Variants in IL1RAPL2 observed in about 807,000 individuals in gnomAD.
IL1RAPL2 encodes X-linked interleukin-1 receptor accessory protein-like 2.
IL1RAPL2 carries 3 observed loss-of-function variants against 44.1 expected under a neutral mutation model. The observed-to-expected ratio is 0.07, with a 90% confidence interval of 0.03 to 0.18. The LOEUF (loss-of-function observed/expected upper bound fraction) is 0.18, where lower values mean the gene tolerates loss of function less well. Ranked by LOEUF, IL1RAPL2 falls within the 10% of genes least tolerant of loss-of-function variation. The probability of loss-of-function intolerance (pLI) is 1.00; values close to 1 mark genes in which losing one functional copy is unlikely to be tolerated. For synonymous variants in IL1RAPL2, 181 were observed against 178.8 expected, an observed-to-expected ratio of 1.01 and a Z score of -0.10; for missense variants, 391 against 496.4, an observed-to-expected ratio of 0.79 and a Z score of 2.02.
intron 2 of IL1RAPL2, among the ~76,000 whole-genome samples, chrX:105,020,699 G>A (rs1394435465): frequency 9.0e-6 from 1 of 111,557 alleles, no homozygotes; most frequent in Non-Finnish European, 1.9e-5. Context: ...ATATGTGTTA[G>A]CTCTTATTGC....
intron 3 of IL1RAPL2, among the ~76,000 whole-genome samples, 161 bp downstream of exon 3, chrX:105,195,909 G>A (rs1056656539): frequency 8.9e-6 from 1 of 111,746 alleles, no homozygotes; most frequent in African/African-American, 3.3e-5. Context: ...TTATCTATCA[G>A]AACTACATAG....
At chrX:105,486,768 A>ATCTATCTATC (rs200616415) in intron 6 of IL1RAPL2, among the ~76,000 whole-genome samples, 1 of 110,219 alleles carries the variant, frequency 9.1e-6, no homozygotes, top group African/African-American at 3.3e-5. Context: ...CTATCTATCT[A>ATCTATCTATC]TATGTAGAAA....
chrX:105,117,589 C>G (rs1275065783), intron 2 of IL1RAPL2, among the ~76,000 whole-genome samples: 1 of 110,681 alleles, frequency 9.0e-6, no homozygotes, highest in Non-Finnish European at 1.9e-5. Context: ...GCAGTTACCC[C>G]CATGCTGTTC....
At chrX:104,589,049 T>A (rs1308747407) in intron 1 of IL1RAPL2, among the ~76,000 whole-genome samples, 2 of 111,914 alleles carry the variant, frequency 1.8e-5, no homozygotes, top group African/African-American at 6.5e-5. Flanking sequence ...AATTTATCTA[T>A]GACGGAGGTT....
intron 2 of IL1RAPL2, among the ~76,000 whole-genome samples, chrX:104,945,093 G>A (rs183502533): frequency 2.5e-4 from 28 of 111,381 alleles, no homozygotes; most frequent in African/African-American, 7.5e-4. Flanking sequence ...AATGTGTTTG[G>A]AGCATTACAT....
rs182945600 is a variant in IL1RAPL2 at position 105,471,082 on chromosome X, C to T, written c.698-13231C>T. Among the ~76,000 whole-genome samples, 31 of 112,440 alleles carry T rather than the reference C, an allele frequency of 2.8e-4. No individual in the cohort carries two copies. In the East Asian group the frequency reaches 8.7e-3, roughly 32 times the overall value. ...AGGAGAATATACAGCTCGATGTTCT[C>T]TTTAATTGGCAAATCAATGTTTGCT... On this transcript the variant is annotated intron_variant, in intron 5 of 10. Transcript: ENST00000372582.
At chrX:105,247,722 T>C (rs987032302) in intron 4 of IL1RAPL2, among the ~76,000 whole-genome samples, 3 of 107,891 alleles carry the variant, frequency 2.8e-5, no homozygotes, top group Non-Finnish European at 5.8e-5. Flanking sequence ...TCATCCTCTC[T>C]TCCATTCCAT....
intron 2 of IL1RAPL2, among the ~76,000 whole-genome samples, chrX:104,730,683 A>G: frequency 9.4e-6 from 1 of 106,067 alleles, no homozygotes. Context: ...CAATAAACAT[A>G]CGTGTGCATG....
chrX:105,297,996 C>T (rs1189887752), intron 5 of IL1RAPL2, among the ~76,000 whole-genome samples: 3 of 110,064 alleles, frequency 2.7e-5, no homozygotes, highest in Non-Finnish European at 5.7e-5. Flanking sequence ...TTTTAATTGA[C>T]AAAACTTGTA....
At chrX:105,283,848 A>G (rs1304709566) in intron 5 of IL1RAPL2, among the ~76,000 whole-genome samples, 1 of 111,263 alleles carries the variant, frequency 9.0e-6, no homozygotes, top group Admixed American at 9.6e-5. Flanking sequence ...GATGATTACT[A>G]TAGGAGATCA....
intron 6 of IL1RAPL2, among the ~76,000 whole-genome samples, chrX:105,488,300 C>T (rs752120228): frequency 3.3e-4 from 37 of 112,194 alleles, no homozygotes; most frequent in Admixed American, 2.8e-3. Flanking sequence ...ACTCTGAAAC[C>T]ACCATGCTGT....
intron 2 of IL1RAPL2, among the ~76,000 whole-genome samples, chrX:105,089,490 C>T (rs930157773): frequency 3.6e-5 from 4 of 110,669 alleles, no homozygotes; most frequent in South Asian, 3.8e-4. Context: ...GGGTCTTCTA[C>T]GTCAATGCCC....
chrX:105,078,982 G>A (rs1387317676), intron 2 of IL1RAPL2, among the ~76,000 whole-genome samples: 3 of 112,321 alleles, frequency 2.7e-5, no homozygotes, highest in Non-Finnish European at 5.6e-5. Flanking sequence ...GTGCTTCCTG[G>A]GTGAGGCGAT....
chrX:105,155,097 C>T (rs1303836590), intron 2 of IL1RAPL2, among the ~76,000 whole-genome samples: 1 of 111,583 alleles, frequency 9.0e-6, no homozygotes, highest in Non-Finnish European at 1.9e-5. Context: ...TTCCAGGCCT[C>T]ATTATATCTT....
chrX:104,746,022 G>C (rs188135269), intron 2 of IL1RAPL2, among the ~76,000 whole-genome samples: 1 of 111,564 alleles, frequency 9.0e-6, no homozygotes, highest in African/African-American at 3.2e-5. Flanking sequence ...TTAAGATATT[G>C]TAAAAGGAGT....
chrX:104,684,435 A>G lies in IL1RAPL2; in HGVS notation c.82+25440A>G, dbSNP rs536256947. Among the ~76,000 whole-genome samples, 10 of 111,597 alleles carry G rather than the reference A, an allele frequency of 9.0e-5. No individual in the cohort carries two copies. In the South Asian group the frequency reaches 3.8e-3, roughly 42 times the overall value. ...GCAGAGGTGCAGGGAACCAACATCAATTTTCTAAAACCCCTAATGTACATC... is the reference window on the plus strand; with the variant it reads ...GCAGAGGTGCAGGGAACCAACATCAGTTTTCTAAAACCCCTAATGTACATC... On this transcript the variant is annotated intron_variant, in intron 2 of 10. Coordinates refer to ENST00000372582, the MANE Select transcript of IL1RAPL2 (RefSeq NM_017416.2).
chrX:105,735,363 T>G (rs1460697786), intron 7 of IL1RAPL2, among the ~76,000 whole-genome samples: 1 of 102,601 alleles, frequency 9.7e-6, no homozygotes, highest in East Asian at 2.9e-4. Flanking sequence ...AATAAGTGAG[T>G]TTTTTTGTAT....
chrX:105,742,188 C>A (rs2038505795), intron 8 of IL1RAPL2, among the ~76,000 whole-genome samples: 1 of 111,039 alleles, frequency 9.0e-6, no homozygotes, highest in South Asian at 3.8e-4. Context: ...CTAATTTTTT[C>A]TTTTATTAAT....
At position 104,701,177 on chromosome X, in the gene IL1RAPL2, G is replaced by A. The variant is rs183059241; in HGVS notation, c.82+42182G>A. Among the ~76,000 whole-genome samples, 1,007 of 111,877 alleles carry A rather than the reference G, an allele frequency of 9.0e-3. 7 individuals carry two copies. Among genetic ancestry groups the A allele is most frequent in the African/African-American group, 0.031 (949 of 30,790 alleles). On this transcript the variant is annotated intron_variant, in intron 2 of 10. Coordinates refer to ENST00000372582, the MANE Select transcript of IL1RAPL2 (RefSeq NM_017416.2). The stretch of plus-strand genomic sequence containing the variant: ...GCAATTTTCACCTCAAAATTCTCTT[G>A]CATTGTAGGAATGAAGGCTTAGTGT...
Sources: gnomAD v4.1 joint callset for allele counts (sites outside exome capture counted in the v4.1 genomes callset) on GRCh38, gnomAD v4.1.1 for gene constraint, MANE v1.5 for transcripts, NCBI Gene and HGNC (gene_info 2026-07-23, HGNC 2026-07-21) for gene names.